The following RIMBP2 variants were observed in gnomAD, a reference collection of about 807,000 sequenced individuals.
The protein encoded by RIMBP2 is RIMS-binding protein 2.
RIMBP2 carries 48 observed loss-of-function variants against 118.6 expected under a neutral mutation model. The observed-to-expected ratio is 0.40, with a 90% CI of 0.32 to 0.51. The LOEUF (loss-of-function observed/expected upper bound fraction) is 0.51, where lower values mean the gene tolerates loss of function less well. Among genes scored for constraint, RIMBP2 ranks in the 20% least tolerant of loss-of-function variants. The pLI is 0.41. For missense variants in RIMBP2, 1,551 were observed against 1,768.3 expected, an observed-to-expected ratio of 0.88 and a Z score of 2.20; for synonymous variants, 762 against 742.9, an observed-to-expected ratio of 1.03 and a Z score of -0.42.
chr12:130,448,582 C>A (rs1212683579), intron 9 of RIMBP2, among the ~76,000 whole-genome samples: 1 of 152,272 alleles, frequency 6.6e-6, no homozygotes, highest in African/African-American at 2.4e-5. Flanking sequence ...CTGCTCCACA[C>A]ACAGCAAGAA....
At chr12:130,522,160 A>T (rs2052201467) in intron 2 of RIMBP2, among the ~76,000 whole-genome samples, 1 of 152,256 alleles carries the variant, frequency 6.6e-6, no homozygotes, top group Admixed American at 6.5e-5. Flanking sequence ...TTAATCCATT[A>T]ATATCCACTA....
chr12:130,438,334 A>AGGCCCCCCC, intron 12 of RIMBP2, 31 bp downstream of exon 12: 5 of 1,344,500 alleles, frequency 3.7e-6, no homozygotes, highest in Non-Finnish European at 5.3e-6. Context: ...GGGCCTAACA[A>AGGCCCCCCC]ACCCTCCCCA....
At chr12:130,427,666 T>C (rs74381256) in intron 15 of RIMBP2, 1,928 of 152,544 alleles carry the variant, frequency 0.013, 40 homozygotes, top group African/African-American at 0.044. Flanking sequence ...CAGCCTGTCT[T>C]TGAGGCCGGT....
chr12:130,605,735 C>A (rs4759734), intron 2 of RIMBP2, among the ~76,000 whole-genome samples: 95,917 of 151,934 alleles, frequency 0.63, 30,523 homozygotes, highest in East Asian at 0.81. Context: ...CTATTCTTGC[C>A]ATTTCAAGGT....
intron 1 of RIMBP2, among the ~76,000 whole-genome samples, chr12:130,701,855 T>C (rs1171840915): frequency 2.6e-5 from 4 of 152,144 alleles, no homozygotes; most frequent in Admixed American, 6.5e-5. Flanking sequence ...AGGGTTGCCA[T>C]GGCCCACCCC....
chr12:130,467,133 G>A (rs75437126), intron 6 of RIMBP2, among the ~76,000 whole-genome samples: 3,175 of 152,332 alleles, frequency 0.021, 92 homozygotes, highest in East Asian at 0.16. Flanking sequence ...AGCTTAGTGT[G>A]TAGTTTAGCT....
chr12:130,640,078 A>C (rs1336138471), intron 1 of RIMBP2, among the ~76,000 whole-genome samples: 1 of 151,960 alleles, frequency 6.6e-6, no homozygotes, highest in East Asian at 1.9e-4. Flanking sequence ...ATGCCTGTAC[A>C]CTCCGCCCCA....
chr12:130,526,004 T>C (rs2052743705), intron 2 of RIMBP2, among the ~76,000 whole-genome samples: 1 of 151,962 alleles, frequency 6.6e-6, no homozygotes, highest in Non-Finnish European at 1.5e-5. Flanking sequence ...CTGCCCCAAT[T>C]TGCCTCTTAT....
At chr12:130,692,340 C>A (rs550597612) in intron 1 of RIMBP2, among the ~76,000 whole-genome samples, 2 of 152,296 alleles carry the variant, frequency 1.3e-5, no homozygotes, top group African/African-American at 4.8e-5. Flanking sequence ...CCTACCCCTT[C>A]CCTCTCCTCC....
intron 1 of RIMBP2, among the ~76,000 whole-genome samples, chr12:130,645,969 G>T (rs1182483441): frequency 1.3e-5 from 2 of 152,006 alleles, no homozygotes; most frequent in Non-Finnish European, 2.9e-5. Flanking sequence ...TTTAAAGAAG[G>T]AAAGAAAAAA....
chr12:130,664,384 C>CAT (rs1202116282), intron 1 of RIMBP2, among the ~76,000 whole-genome samples: 72 of 109,444 alleles, frequency 6.6e-4, no homozygotes, highest in South Asian at 9.2e-4. Context: ...TGCACGCACG[C>CAT]GCATGCACAC....
chr12:130,684,129 A>T (rs1047015053), intron 1 of RIMBP2, among the ~76,000 whole-genome samples: 3 of 152,136 alleles, frequency 2.0e-5, no homozygotes, highest in African/African-American at 7.2e-5. Flanking sequence ...ACAACCCCTT[A>T]TCTGAACCCA....
chr12:130,654,958 G>A (rs565640803), intron 1 of RIMBP2, among the ~76,000 whole-genome samples: 49 of 152,324 alleles, frequency 3.2e-4, no homozygotes, highest in Non-Finnish European at 3.5e-4. Context: ...TTATCACCCA[G>A]GGATAGTGCC....
chr12:130,483,940 T>A (rs901667275), intron 4 of RIMBP2, among the ~76,000 whole-genome samples: 2 of 151,510 alleles, frequency 1.3e-5, no homozygotes, highest in African/African-American at 4.9e-5. Flanking sequence ...CCCGCCTAGA[T>A]GTGTCCCTGA....
At chr12:130,501,106 A>G in intron 4 of RIMBP2, among the ~76,000 whole-genome samples, 1 of 152,044 alleles carries the variant, frequency 6.6e-6, no homozygotes, top group East Asian at 1.9e-4. Flanking sequence ...CTGCCCCAGA[A>G]ATTAACGTCC....
Position 130,446,061 on chromosome 12 carries a change from C to T in RIMBP2, c.582-792G>A, listed in dbSNP as rs2078502391. Among the ~76,000 whole-genome samples, 1 of 145,478 alleles carries T rather than the reference C, an allele frequency of 6.9e-6. No individual in the cohort carries two copies. The highest frequency in any genetic ancestry group is 1.5e-5 in the Non-Finnish European group (1 of 67,164). On this transcript the variant is annotated intron_variant, in intron 9 of 22. Coordinates refer to ENST00000690449, the MANE Select transcript of RIMBP2 (RefSeq NM_001393629.1). This position sits in a 1 kb window ranked among gnomAD's most constrained non-coding sequence, Gnocchi z 4.1. ...CCAGGAATATAAGAGTATCCATATT[C>T]TCCAGTCCTCAACATATTGGGATTA... is the stretch of plus-strand genomic sequence containing the variant.
At chr12:130,470,134 G>A (rs1201460589) in intron 6 of RIMBP2, 2 of 152,336 alleles carry the variant, frequency 1.3e-5, no homozygotes, top group African/African-American at 2.4e-5. Context: ...GGAGGCAGGA[G>A]AAGGCCACTC....
At chr12:130,568,664 C>T (rs1399990218) in intron 2 of RIMBP2, among the ~76,000 whole-genome samples, 2 of 152,202 alleles carry the variant, frequency 1.3e-5, no homozygotes, top group Admixed American at 6.5e-5. Context: ...CGCTTCTTCC[C>T]AAGTGCTCAG....
At chr12:130,493,513 G>C (rs12829934) in intron 4 of RIMBP2, among the ~76,000 whole-genome samples, 18,725 of 151,800 alleles carry the variant, frequency 0.12, 1,467 homozygotes, top group South Asian at 0.27. Context: ...CGGGGTTTCA[G>C]CATGTTGGCC....
Sources: gnomAD v4.1 joint callset for allele counts (sites outside exome capture counted in the v4.1 genomes callset) on GRCh38, gnomAD v4.1.1 for gene constraint, Gnocchi (gnomAD v3.1) non-coding constraint, MANE v1.5 for transcripts, NCBI Gene and HGNC (gene_info 2026-07-23, HGNC 2026-07-21) for gene names.